Variants in CHLSN observed in about 807,000 individuals in gnomAD.
The protein encoded by CHLSN is cholesin.
At chr7:1,076,561 A>G in the CHLSN span, among the ~76,000 whole-genome samples, 1 of 152,260 alleles carries the variant, frequency 6.6e-6, no homozygotes, top group Non-Finnish European at 1.5e-5. Flanking sequence ...AACACAGGCA[A>G]GCGTCATGCA....
At chr7:984,660 G>A in the CHLSN span, 1 of 1,486,096 alleles carries the variant, frequency 6.7e-7, no homozygotes, top group South Asian at 1.3e-5. Context: ...CAGCGGGAGA[G>A]GCTCCCAGGG....
the CHLSN span, among the ~76,000 whole-genome samples, chr7:1,094,855 T>G: frequency 6.6e-6 from 1 of 152,274 alleles, no homozygotes; most frequent in African/African-American, 2.4e-5. Context: ...GCTGGGCTCC[T>G]CAGGAACAGA....
the CHLSN span, among the ~76,000 whole-genome samples, chr7:1,016,792 G>GTGCA: frequency 2.9e-5 from 2 of 67,896 alleles, no homozygotes; most frequent in Admixed American, 1.5e-4. Context: ...ACAGCACACA[G>GTGCA]CAGCACACAG....
At chr7:1,017,715 C>A in the CHLSN span, among the ~76,000 whole-genome samples, 1 of 151,830 alleles carries the variant, frequency 6.6e-6, no homozygotes, top group Admixed American at 6.5e-5. Context: ...CTGCCGCGGG[C>A]AGCCGCGGAC....
chr7:1,115,503 C>T, the CHLSN span, among the ~76,000 whole-genome samples: 1 of 148,372 alleles, frequency 6.7e-6, no homozygotes, highest in Non-Finnish European at 1.5e-5. Flanking sequence ...TACAGCTCTA[C>T]GGACCGGCTT....
the CHLSN span, among the ~76,000 whole-genome samples, chr7:1,135,040 CT>C: frequency 3.3e-5 from 5 of 152,292 alleles, no homozygotes; most frequent in South Asian, 1.0e-3. Context: ...CTTATTTGAC[CT>C]AACAGCGTTG....
the CHLSN span, among the ~76,000 whole-genome samples, chr7:1,135,721 C>T: frequency 0.012 from 1,748 of 149,064 alleles, 28 homozygotes; most frequent in African/African-American, 0.04. Context: ...GCCGAGATCG[C>T]GCCACTGCAC....
chr7:1,110,561 T>C, the CHLSN span, among the ~76,000 whole-genome samples: 1 of 151,848 alleles, frequency 6.6e-6, no homozygotes, highest in Non-Finnish European at 1.5e-5. Context: ...CGGGAGCGGG[T>C]GTCGGGGGTT....
the CHLSN span, among the ~76,000 whole-genome samples, chr7:1,030,453 C>T: frequency 3.3e-5 from 5 of 152,188 alleles, no homozygotes; most frequent in African/African-American, 1.2e-4. Flanking sequence ...CCACTAGCCC[C>T]ACAGGGATGG....
chr7:1,065,967 C>G, the CHLSN span, among the ~76,000 whole-genome samples: 1 of 152,324 alleles, frequency 6.6e-6, no homozygotes, highest in South Asian at 2.1e-4. Context: ...CCGTCACTTT[C>G]AGGGCCCCAC....
At chr7:987,438 G>C in the CHLSN span, 3 of 1,588,374 alleles carry the variant, frequency 1.9e-6, no homozygotes, top group Non-Finnish European at 2.6e-6. Flanking sequence ...CAAGCGCCGT[G>C]CTCCACGAGG....
the CHLSN span, chr7:1,058,634 G>T: frequency 1.6e-6 from 1 of 616,112 alleles, no homozygotes; most frequent in South Asian, 2.0e-5. Flanking sequence ...AGCAGGAGGG[G>T]TGTTTTTCTT....
chr7:983,269 G>A, the CHLSN span: 21 of 1,543,284 alleles, frequency 1.4e-5, no homozygotes, highest in East Asian at 3.2e-4. Flanking sequence ...GCTGCTCTGC[G>A]CCTGCGCCCA....
the CHLSN span, among the ~76,000 whole-genome samples, chr7:1,053,824 C>T: frequency 1.3e-5 from 2 of 152,124 alleles, no homozygotes; most frequent in Non-Finnish European, 2.9e-5. Context: ...GAGACTCCAT[C>T]TCAAAAAAAC....
chr7:1,083,753 G>A, the CHLSN span, among the ~76,000 whole-genome samples: 4 of 152,178 alleles, frequency 2.6e-5, no homozygotes, highest in African/African-American at 9.7e-5. Context: ...CCGTTAACTG[G>A]GCCCTCCAGC....
At chr7:1,116,431 T>A in the CHLSN span, among the ~76,000 whole-genome samples, 188 of 132,876 alleles carry the variant, frequency 1.4e-3, 1 homozygote, top group Admixed American at 4.2e-3. Flanking sequence ...ACGGACCGGC[T>A]TCCATCACCG....
the CHLSN span, chr7:987,671 A>G: frequency 5.8e-6 from 5 of 869,098 alleles, no homozygotes; most frequent in Non-Finnish European, 8.5e-6. Context: ...AAGGGCGTCC[A>G]GCCAGGAGCA....
chr7:983,316 T>C, the CHLSN span: 2 of 1,540,454 alleles, frequency 1.3e-6, no homozygotes, highest in South Asian at 2.4e-5. Context: ...CCCCGGGGCC[T>C]CGCCCGCTGC....
chr7:1,081,148 G>A, the CHLSN span, among the ~76,000 whole-genome samples: 9 of 152,368 alleles, frequency 5.9e-5, no homozygotes, highest in East Asian at 1.9e-4. Flanking sequence ...CCCTCCCCGC[G>A]TGCCGTCATC....
Sources: gnomAD v4.1 joint callset for allele counts (sites outside exome capture counted in the v4.1 genomes callset) on GRCh38, gnomAD v4.1.1 for gene constraint, MANE v1.5 for transcripts, NCBI Gene and HGNC (gene_info 2026-07-23, HGNC 2026-07-21) for gene names.